Variants in APBB2 observed in about 807,000 individuals in gnomAD.
APBB2 encodes amyloid beta precursor protein binding family B member 2.
Under a neutral mutation model 82.5 loss-of-function variants are expected in APBB2, and 38 were observed. That is an observed-to-expected ratio of 0.46 (90% CI 0.36 to 0.60). The LOEUF (loss-of-function observed/expected upper bound fraction) is 0.60, where lower values mean the gene tolerates loss of function less well. APBB2 is among the 20% of genes least tolerant of loss of function. The pLI, the probability that APBB2 is intolerant of heterozygous loss-of-function variation, is 0.00. For missense variants in APBB2, 772 were observed against 972.3 expected (o/e 0.79, Z 2.74); for synonymous variants, 341 against 368.2 (o/e 0.93, Z 0.85).
At chr4:41,110,032 C>A (rs1193693471) in intron 2 of APBB2, among the ~76,000 whole-genome samples, 1 of 152,138 alleles carries the variant, frequency 6.6e-6, no homozygotes, top group East Asian at 1.9e-4. Flanking sequence ...CTCTCCAGAA[C>A]CTGGTAATAC....
At chr4:40,978,345 G>A (rs980313740) in intron 6 of APBB2, among the ~76,000 whole-genome samples, 1 of 152,178 alleles carries the variant, frequency 6.6e-6, no homozygotes, top group Non-Finnish European at 1.5e-5. Context: ...AGATAAATGT[G>A]CATCTACAAG....
At chr4:40,861,161 G>C (rs1762653699) in intron 12 of APBB2, among the ~76,000 whole-genome samples, 2 of 152,000 alleles carry the variant, frequency 1.3e-5, no homozygotes, top group Admixed American at 1.3e-4. Context: ...GACCAGCCTG[G>C]CAAACATGGT....
chr4:40,997,166 T>C (rs1803855566), intron 6 of APBB2, among the ~76,000 whole-genome samples: 1 of 152,166 alleles, frequency 6.6e-6, no homozygotes, highest in Admixed American at 6.5e-5. Flanking sequence ...ATTTCTTCCC[T>C]ACTATATAAA....
intron 4 of APBB2, among the ~76,000 whole-genome samples, chr4:41,037,252 G>A (rs1461143156): frequency 6.6e-6 from 1 of 152,170 alleles, no homozygotes; most frequent in African/African-American, 2.4e-5. Flanking sequence ...GTTGATTGCT[G>A]TGAGTGTAAA....
At chr4:40,853,348 C>A (rs894529288) in intron 12 of APBB2, among the ~76,000 whole-genome samples, 1 of 149,084 alleles carries the variant, frequency 6.7e-6, no homozygotes, top group Non-Finnish European at 1.5e-5. Context: ...TAAGCACTGC[C>A]CACAAGCCCT....
chr4:40,825,990 C>T lies in APBB2; in HGVS notation c.1733-20G>A. 6.3e-7 allele frequency: 1 copy of T among 1,599,440 alleles called. No individual in the cohort carries two copies. Among genetic ancestry groups the T allele is most frequent in the Non-Finnish European group, 8.6e-7 (1 of 1,166,692 alleles). ...AATCTACTACAGGGAACAAAAGCAA[C>T]ACATCTTTCTCAGTGGTTCCAACAC... is the stretch of plus-strand genomic sequence containing the variant. On this transcript the variant is annotated intron_variant, in intron 14 of 17. Coordinates refer to ENST00000508593, the MANE Select transcript of APBB2 (RefSeq NM_004307.2).
intron 6 of APBB2, among the ~76,000 whole-genome samples, chr4:40,978,140 C>T (rs1160763041): frequency 1.3e-5 from 2 of 152,300 alleles, no homozygotes; most frequent in Admixed American, 6.5e-5. Flanking sequence ...GCATACTTGA[C>T]AACTGTCAAA....
intron 2 of APBB2, among the ~76,000 whole-genome samples, chr4:41,112,438 C>G (rs569134252): frequency 6.6e-6 from 1 of 152,320 alleles, no homozygotes; most frequent in South Asian, 2.1e-4. Flanking sequence ...GCAGGGCACT[C>G]CTGGTTATAG....
chr4:41,031,583 T>G (rs779451903), intron 5 of APBB2, among the ~76,000 whole-genome samples: 1 of 152,182 alleles, frequency 6.6e-6, no homozygotes, highest in Non-Finnish European at 1.5e-5. Flanking sequence ...GCATGAAGAA[T>G]GAAAACATCA....
In APBB2 at chr4:41,113,663, T is replaced by C. The variant is rs561797064; in HGVS notation, c.-260-12913A>G. Among the ~76,000 whole-genome samples the C allele has an allele frequency of 3.6e-3, 546 of 152,322 alleles. 2 individuals are homozygous for C. The highest frequency in any genetic ancestry group is 0.011 in the South Asian group (52 of 4,816). ...GGTCTGGGAAATGAATTTAGAAAGT[T>C]TGATTATGGACTAATATTAAGTAAT... On this transcript the variant is annotated intron_variant, in intron 2 of 17. Transcript: ENST00000508593.
intron 6 of APBB2, among the ~76,000 whole-genome samples, chr4:41,002,336 C>T (rs965495266): frequency 6.6e-6 from 1 of 152,176 alleles, no homozygotes; most frequent in African/African-American, 2.4e-5. Context: ...ATTTCAAGCA[C>T]GTTTTGCTTA....
intron 6 of APBB2, among the ~76,000 whole-genome samples, chr4:40,997,288 C>T (rs62412081): frequency 0.042 from 6,347 of 152,234 alleles, 261 homozygotes; most frequent in African/African-American, 0.11. Flanking sequence ...CATTAAATGG[C>T]TTTCTGTGCG....
chr4:40,844,837 A>G (rs1457695139), intron 12 of APBB2, among the ~76,000 whole-genome samples: 3 of 152,220 alleles, frequency 2.0e-5, no homozygotes, highest in African/African-American at 4.8e-5. Context: ...AGGATATGTT[A>G]GTGCTTTGAC....
intron 1 of APBB2, among the ~76,000 whole-genome samples, chr4:41,202,015 C>G (rs1016428195): frequency 1.3e-5 from 2 of 152,212 alleles, no homozygotes; most frequent in African/African-American, 4.8e-5. Flanking sequence ...GACCCAGCAG[C>G]AGATTGCACT....
intron 6 of APBB2, among the ~76,000 whole-genome samples, chr4:40,996,195 A>G (rs1803594379): frequency 6.6e-6 from 1 of 152,226 alleles, no homozygotes; most frequent in African/African-American, 2.4e-5. Flanking sequence ...TTGAGAGTTC[A>G]TTGGTGAATG....
chr4:41,170,509 T>C (rs1217857646), intron 1 of APBB2, among the ~76,000 whole-genome samples: 2 of 152,160 alleles, frequency 1.3e-5, no homozygotes, highest in Admixed American at 6.5e-5. Context: ...TATTCAGTCA[T>C]GAAGAGATAA....
At chr4:40,907,043 T>C (rs915626023) in intron 10 of APBB2, among the ~76,000 whole-genome samples, 1 of 152,126 alleles carries the variant, frequency 6.6e-6, no homozygotes, top group Non-Finnish European at 1.5e-5. Context: ...CAGATAGACA[T>C]ACATGCAAAG....
intron 12 of APBB2, among the ~76,000 whole-genome samples, chr4:40,844,910 G>A (rs928669230): frequency 1.3e-5 from 2 of 152,172 alleles, no homozygotes; most frequent in Non-Finnish European, 2.9e-5. Context: ...TATCTGTAGT[G>A]TGTGACAAAA....
intron 2 of APBB2, among the ~76,000 whole-genome samples, chr4:41,132,041 A>AAAAT (rs139179556): frequency 0.58 from 85,639 of 147,586 alleles, 25,497 homozygotes; most frequent in East Asian, 0.73. Flanking sequence ...CTCTGTCTCA[A>AAAAT]AAATAAATAA....
Sources: gnomAD v4.1 joint callset for allele counts (sites outside exome capture counted in the v4.1 genomes callset) on GRCh38, gnomAD v4.1.1 for gene constraint, MANE v1.5 for transcripts, NCBI Gene and HGNC (gene_info 2026-07-23, HGNC 2026-07-21) for gene names.